PAMR1: variants seen among roughly 807,000 people sequenced by gnomAD.
PAMR1 encodes the protein inactive serine protease PAMR1.
PAMR1 carries 88 observed loss-of-function variants against 81.8 expected under a neutral mutation model. That is an observed-to-expected ratio of 1.08 (90% CI 0.91 to 1.28). The LOEUF (loss-of-function observed/expected upper bound fraction) is 1.28. Among genes scored for constraint, PAMR1 ranks in the 50% most tolerant of loss-of-function variants. The pLI is 0.00. For synonymous variants in PAMR1, 336 were observed against 345.3 expected, an observed-to-expected ratio of 0.97 and a Z score of 0.30; for missense variants, 935 against 919.7, an observed-to-expected ratio of 1.02 and a Z score of -0.21.
chr11:35,492,242 C>A, intron 2 of PAMR1, 69 bp from the exon 3 acceptor site: 1 of 1,539,514 alleles, frequency 6.5e-7, no homozygotes, highest in Non-Finnish European at 8.9e-7. Flanking sequence ...TGCATGGGAG[C>A]ACAACTGCAC....
chr11:35,512,558 T>C (rs1246619762), intron 1 of PAMR1, among the ~76,000 whole-genome samples: 1 of 152,198 alleles, frequency 6.6e-6, no homozygotes, highest in East Asian at 1.9e-4. Context: ...GAAATGAGGC[T>C]GCCCAAATTT....
chr11:35,495,026 G>A (rs888923821), intron 1 of PAMR1, among the ~76,000 whole-genome samples: 2 of 152,172 alleles, frequency 1.3e-5, no homozygotes, highest in South Asian at 2.1e-4. Context: ...GATCCATAGC[G>A]AGCCATTAAA....
intron 1 of PAMR1, among the ~76,000 whole-genome samples, chr11:35,521,842 G>A (rs1436436824): frequency 5.9e-5 from 9 of 152,096 alleles, no homozygotes; most frequent in Admixed American, 6.5e-5. Context: ...CTCTGCCAGT[G>A]TAGTTGTTTA....
chr11:35,530,244 C>G (rs577870284), upstream of PAMR1: 27 of 152,412 alleles, frequency 1.8e-4, 1 homozygote, highest in African/African-American at 6.3e-4. Context: ...ACAAAGGGCC[C>G]TTCCACTGGA....
intron 1 of PAMR1, among the ~76,000 whole-genome samples, chr11:35,510,934 T>A (rs1254194226): frequency 3.3e-5 from 5 of 152,240 alleles, no homozygotes; most frequent in Admixed American, 6.5e-5. Flanking sequence ...CATCCTGGCA[T>A]CTCCTATCTA....
At chr11:35,460,893 C>G (rs1187149554) in intron 6 of PAMR1, among the ~76,000 whole-genome samples, 2 of 152,220 alleles carry the variant, frequency 1.3e-5, no homozygotes, top group African/African-American at 4.8e-5. Context: ...TCGCCACACT[C>G]TTCCACAATG....
intron 6 of PAMR1, among the ~76,000 whole-genome samples, chr11:35,443,384 AGT>A (rs1856220066): frequency 2.0e-5 from 3 of 151,906 alleles, no homozygotes; most frequent in Non-Finnish European, 4.4e-5. Flanking sequence ...GATAGGCCCC[AGT>A]GTGTGTTATT....
intron 1 of PAMR1, among the ~76,000 whole-genome samples, chr11:35,497,166 G>A (rs375744347): frequency 3.9e-5 from 6 of 152,106 alleles, no homozygotes; most frequent in African/African-American, 1.4e-4. Flanking sequence ...ACTCTTGTCT[G>A]AAAATAATAG....
upstream of PAMR1, among the ~76,000 whole-genome samples, chr11:35,526,466 G>A (rs532802639): frequency 1.0e-4 from 14 of 140,672 alleles, no homozygotes; most frequent in East Asian, 4.0e-4. Flanking sequence ...TGAGGAAGAA[G>A]GATGTTTCAT....
At chr11:35,451,152 C>T (rs558342464) in intron 6 of PAMR1, among the ~76,000 whole-genome samples, 21 of 152,200 alleles carry the variant, frequency 1.4e-4, no homozygotes, top group Admixed American at 2.6e-4. Context: ...GAAGGAAGTG[C>T]TTTCATGGTC....
chr11:35,480,820 C>A (rs1468899524), intron 3 of PAMR1, among the ~76,000 whole-genome samples: 1 of 152,138 alleles, frequency 6.6e-6, no homozygotes, highest in Non-Finnish European at 1.5e-5. Context: ...GCCCTGCATG[C>A]ATTAGATATT....
Position 35,494,175 on chromosome 11 carries a change from T to A in PAMR1, c.171A>T (p.Gly57=), listed in dbSNP as rs1245028486. ...EYDQIECVCP[G]KREVVGYTIP... ...TGGTATAACCCACGACTTCCCTCTT[T>A]CCGGGGCAGACGCACTCAATCTGAT... Residue 57 remains glycine, a synonymous_variant, in exon 2 of 11, where the codon GGA becomes GGT. Transcript: ENST00000619888. 1 of 1,614,088 alleles carries A rather than the reference T, an allele frequency of 6.2e-7. No individual in the cohort carries two copies. Among genetic ancestry groups the A allele is most frequent in the Middle Eastern group, 1.6e-4 (1 of 6,062 alleles).
intron 4 of PAMR1, among the ~76,000 whole-genome samples, chr11:35,471,383 G>A (rs1437888152): frequency 2.0e-5 from 3 of 152,110 alleles, no homozygotes. Context: ...CGCAGTGCCT[G>A]GCCTATGGAG....
intron 4 of PAMR1, among the ~76,000 whole-genome samples, chr11:35,473,425 C>T (rs1440171412): frequency 2.0e-5 from 3 of 152,152 alleles, no homozygotes; most frequent in African/African-American, 7.2e-5. Flanking sequence ...GTCTTGGTCC[C>T]TGAGCTGCTG....
upstream of PAMR1, chr11:35,526,127 A>G (rs1851384883): frequency 6.4e-6 from 1 of 155,504 alleles, no homozygotes; most frequent in Non-Finnish European, 1.4e-5. Context: ...TCCACTCCGC[A>G]CGCAACACTC....
intron 6 of PAMR1, among the ~76,000 whole-genome samples, chr11:35,456,235 G>T (rs1008109736): frequency 1.3e-5 from 2 of 152,202 alleles, no homozygotes; most frequent in African/African-American, 4.8e-5. Flanking sequence ...GTGAACCAAT[G>T]AATACAGTAA....
At chr11:35,484,707 A>C (rs925224310) in intron 3 of PAMR1, among the ~76,000 whole-genome samples, 9 of 152,172 alleles carry the variant, frequency 5.9e-5, no homozygotes, top group African/African-American at 2.2e-4. Flanking sequence ...TCTCCCCATA[A>C]ATCCTCTCAT....
chr11:35,498,135 A>G (rs1163113994), intron 1 of PAMR1, among the ~76,000 whole-genome samples: 2 of 152,224 alleles, frequency 1.3e-5, no homozygotes, highest in African/African-American at 2.4e-5. Flanking sequence ...GTAGTTTTGT[A>G]AATCCATGTG....
At chr11:35,499,808 C>T (rs1352919161) in intron 1 of PAMR1, among the ~76,000 whole-genome samples, 1 of 152,168 alleles carries the variant, frequency 6.6e-6, no homozygotes, top group Non-Finnish European at 1.5e-5. Context: ...AAGGGAATGA[C>T]CCCAGGGAAT....
Sources: allele counts gnomAD v4.1 joint callset (sites outside exome capture counted in the v4.1 genomes callset), GRCh38; gene constraint gnomAD v4.1.1; transcripts MANE v1.5; gene names NCBI Gene and HGNC (gene_info 2026-07-23, HGNC 2026-07-21).